CNBD1: variants seen among roughly 807,000 people sequenced by gnomAD.
The protein encoded by CNBD1 is cyclic nucleotide binding domain containing 1, also known as cyclic nucleotide-binding domain-containing protein 1.
In CNBD1, 71 loss-of-function variants were observed where a neutral mutation model predicts 54.4. That is an observed-to-expected ratio of 1.30 (90% CI 1.08 to 1.59). CNBD1 has a LOEUF of 1.59. Ranked by LOEUF, CNBD1 falls within the 40% of genes most tolerant of loss-of-function variation. The pLI, the probability that CNBD1 is intolerant of heterozygous loss-of-function variation, is 0.00. For missense variants in CNBD1, 659 were observed against 518.0 expected (o/e 1.27, Z -2.64); for synonymous variants, 182 against 170.7 (o/e 1.07, Z -0.51).
intron 4 of CNBD1, among the ~76,000 whole-genome samples, chr8:87,065,172 C>T (rs983867410): frequency 2.6e-5 from 4 of 151,930 alleles, no homozygotes; most frequent in African/African-American, 9.6e-5. Context: ...CTAATTTTGT[C>T]TTTTATATCC....
chr8:87,270,234 A>C (rs1251298206), intron 6 of CNBD1, among the ~76,000 whole-genome samples: 1 of 151,918 alleles, frequency 6.6e-6, no homozygotes, highest in Non-Finnish European at 1.5e-5. Flanking sequence ...AACCTTCAAG[A>C]AGCATTTATG....
At chr8:87,305,432 A>T (rs2130886116) in intron 8 of CNBD1, among the ~76,000 whole-genome samples, 1 of 152,288 alleles carries the variant, frequency 6.6e-6, no homozygotes, top group Non-Finnish European at 1.5e-5. Context: ...GAACCAAAAA[A>T]GTGCCCACAT....
At chr8:87,320,663 A>T (rs1809505584) in intron 8 of CNBD1, among the ~76,000 whole-genome samples, 1 of 152,004 alleles carries the variant, frequency 6.6e-6, no homozygotes, top group African/African-American at 2.4e-5. Context: ...AGTCACAAAA[A>T]ATACAGTAAC....
At chr8:86,877,172 TATTA>T (rs1391639961) in intron 1 of CNBD1, among the ~76,000 whole-genome samples, 5 of 152,114 alleles carry the variant, frequency 3.3e-5, no homozygotes, top group Non-Finnish European at 5.9e-5. Flanking sequence ...AAACTGTAAC[TATTA>T]ATTATCTACT....
chr8:87,420,596 GAGAC>G (rs1257059656), intron 2 of CNBD1, among the ~76,000 whole-genome samples: 1 of 152,008 alleles, frequency 6.6e-6, no homozygotes, highest in Non-Finnish European at 1.5e-5. Context: ...GAGGTAGAGA[GAGAC>G]AACCCCATTT....
At chr8:87,353,823 T>G (rs778239312) in intron 10 of CNBD1, 37 bp downstream of exon 10, 2 of 1,497,164 alleles carry the variant, frequency 1.3e-6, no homozygotes, top group Non-Finnish European at 1.8e-6. Context: ...TTATACCATT[T>G]TATTGGATGA....
chr8:87,147,554 A>G (rs1812515489), intron 4 of CNBD1, among the ~76,000 whole-genome samples: 2 of 152,120 alleles, frequency 1.3e-5, no homozygotes, highest in South Asian at 4.1e-4. Context: ...GTCTTATTCA[A>G]TATTTAAATT....
At chr8:87,413,717 GA>G (rs1474098502) in intron 2 of CNBD1, among the ~76,000 whole-genome samples, 1 of 150,166 alleles carries the variant, frequency 6.7e-6, no homozygotes, top group Admixed American at 6.7e-5. Flanking sequence ...TGAAGGATAT[GA>G]ACAGACACTT....
At chr8:87,178,209 G>C (rs1813239327) in intron 4 of CNBD1, among the ~76,000 whole-genome samples, 1 of 152,144 alleles carries the variant, frequency 6.6e-6, no homozygotes, top group Non-Finnish European at 1.5e-5. Context: ...ACAATACAAA[G>C]AGGAAAATAC....
intron 6 of CNBD1, among the ~76,000 whole-genome samples, chr8:87,273,768 A>C (rs1585974626): frequency 1.3e-5 from 2 of 151,768 alleles, no homozygotes; most frequent in East Asian, 3.9e-4. Flanking sequence ...ATTGACAAAT[A>C]AGTTTTTTTT....
At chr8:87,043,794 T>G (rs181489370) in intron 4 of CNBD1, among the ~76,000 whole-genome samples, 82 of 152,332 alleles carry the variant, frequency 5.4e-4, no homozygotes, top group Non-Finnish European at 9.3e-4. Context: ...CTCTCGATGT[T>G]TCTAAAAACT....
chr8:87,194,858 TC>T (rs1813681741), intron 4 of CNBD1, among the ~76,000 whole-genome samples: 1 of 152,012 alleles, frequency 6.6e-6, no homozygotes, highest in South Asian at 2.1e-4. Context: ...TCATGTAGTG[TC>T]TTTTTTTGTT....
At chr8:87,353,320 A>C (rs62526809) in intron 9 of CNBD1, among the ~76,000 whole-genome samples, 1 of 152,174 alleles carries the variant, frequency 6.6e-6, no homozygotes, top group Non-Finnish European at 1.5e-5. Context: ...CTTAAATGAA[A>C]CTATGCTCAC....
chr8:86,971,462 G>A (rs1808218015), intron 4 of CNBD1, among the ~76,000 whole-genome samples: 1 of 152,062 alleles, frequency 6.6e-6, no homozygotes, highest in Non-Finnish European at 1.5e-5. Context: ...ACTGAAATTT[G>A]TTTAGTCTTA....
intron 4 of CNBD1, among the ~76,000 whole-genome samples, chr8:87,164,284 A>C (rs1812917349): frequency 6.6e-6 from 1 of 151,812 alleles, no homozygotes; most frequent in South Asian, 2.1e-4. Flanking sequence ...TGTCTTTGCT[A>C]TCAGGGTAAT....
intron 4 of CNBD1, among the ~76,000 whole-genome samples, chr8:87,081,517 T>G (rs905482754): frequency 2.0e-4 from 30 of 151,464 alleles, no homozygotes; most frequent in Admixed American, 5.3e-4. Context: ...TTTTGTTTTT[T>G]TTTTTTTGAG....
chr8:87,077,624 G>A (rs188379618), intron 4 of CNBD1, among the ~76,000 whole-genome samples: 1 of 137,416 alleles, frequency 7.3e-6, no homozygotes, highest in East Asian at 2.2e-4. Context: ...GTGTCCAAGT[G>A]TTCTTGTTGT....
At chr8:87,271,594 T>A (rs1456722858) in intron 6 of CNBD1, among the ~76,000 whole-genome samples, 3 of 151,838 alleles carry the variant, frequency 2.0e-5, no homozygotes, top group Admixed American at 6.6e-5. Flanking sequence ...ATAAAAAAAA[T>A]TCAGAGAATA....
chr8:87,306,019 T>G (rs955455234), intron 8 of CNBD1, among the ~76,000 whole-genome samples: 1 of 152,082 alleles, frequency 6.6e-6, no homozygotes, highest in African/African-American at 2.4e-5. Flanking sequence ...GACAAAGGAC[T>G]AATATCCAGA....
Sources: gnomAD v4.1 joint callset for allele counts (sites outside exome capture counted in the v4.1 genomes callset) on GRCh38, gnomAD v4.1.1 for gene constraint, MANE v1.5 for transcripts, NCBI Gene and HGNC (gene_info 2026-07-23, HGNC 2026-07-21) for gene names.